The following MGAT4A variants were observed in gnomAD, a reference collection of about 807,000 sequenced individuals.
MGAT4A encodes the protein N-acetylglucosaminyltransferase IVa.
Under a neutral mutation model 74.1 loss-of-function variants are expected in MGAT4A, and 33 were observed. The ratio of observed to expected loss-of-function variants is 0.45; its 90% CI spans 0.34 to 0.60. The LOEUF (loss-of-function observed/expected upper bound fraction) is 0.60. Ranked by LOEUF, MGAT4A falls within the 20% of genes least tolerant of loss-of-function variation. The pLI is 0.02. For missense variants in MGAT4A, 479 were observed against 628.3 expected (o/e 0.76, Z 2.54); for synonymous variants, 198 against 210.4 (o/e 0.94, Z 0.51).
chr2:98,718,159 A>C (rs1702616864), intron 2 of MGAT4A, among the ~76,000 whole-genome samples: 1 of 152,060 alleles, frequency 6.6e-6, no homozygotes, highest in Middle Eastern at 3.4e-3. Context: ...ATTTTCTCCC[A>C]TATTTCAACA....
At chr2:98,651,439 G>T (rs1701577079) in intron 8 of MGAT4A, among the ~76,000 whole-genome samples, 1 of 152,178 alleles carries the variant, frequency 6.6e-6, no homozygotes, top group South Asian at 2.1e-4. Flanking sequence ...AAAATAGAGT[G>T]CAGGGGAGAC....
chr2:98,642,665 T>C (rs1227467200), intron 10 of MGAT4A, among the ~76,000 whole-genome samples: 1 of 152,170 alleles, frequency 6.6e-6, no homozygotes, highest in African/African-American at 2.4e-5. Context: ...ACGTTAACTT[T>C]TTCTGTGTCC....
At chr2:98,627,872 T>C (rs1263662393) in intron 14 of MGAT4A, among the ~76,000 whole-genome samples, 3 of 152,244 alleles carry the variant, frequency 2.0e-5, no homozygotes, top group Non-Finnish European at 4.4e-5. Context: ...TTGTGATGGC[T>C]AAGTCCATGA....
At chr2:98,679,405 CAAAAAAAAA>C (rs753919040) in intron 2 of MGAT4A, among the ~76,000 whole-genome samples, 3 of 33,328 alleles carry the variant, frequency 9.0e-5, no homozygotes, top group Non-Finnish European at 1.2e-4. Context: ...GACTCCGTCT[CAAAAAAAAA>C]AAAAAAAAAA....
intron 8 of MGAT4A, among the ~76,000 whole-genome samples, chr2:98,652,889 T>C (rs1211331685): frequency 6.6e-6 from 1 of 152,074 alleles, no homozygotes; most frequent in African/African-American, 2.4e-5. Context: ...CCTCCCAAAG[T>C]GTTGGGATTA....
intron 12 of MGAT4A, among the ~76,000 whole-genome samples, chr2:98,637,334 A>ATAC (rs1326344721): frequency 6.6e-6 from 1 of 151,318 alleles, no homozygotes; most frequent in Non-Finnish European, 1.5e-5. Flanking sequence ...AATAATAATA[A>ATAC]TAGTAATAAA....
At chr2:98,725,269 C>T (rs1056595625) in intron 2 of MGAT4A, among the ~76,000 whole-genome samples, 1 of 152,150 alleles carries the variant, frequency 6.6e-6, no homozygotes, top group Non-Finnish European at 1.5e-5. Flanking sequence ...AAAGACTCTA[C>T]TTGCTCAAAG....
intron 2 of MGAT4A, among the ~76,000 whole-genome samples, chr2:98,690,898 G>A (rs978699380): frequency 1.4e-4 from 21 of 152,272 alleles, no homozygotes; most frequent in African/African-American, 5.1e-4. Flanking sequence ...GAGAATCAGT[G>A]ATCCTCAAGA....
At chr2:98,633,555 AAAG>A (rs889345688) in intron 14 of MGAT4A, among the ~76,000 whole-genome samples, 1 of 152,230 alleles carries the variant, frequency 6.6e-6, no homozygotes, top group African/African-American at 2.4e-5. Context: ...CAATTCCATT[AAAG>A]AAGACTTCTT....
rs1239136060 is a variant in MGAT4A, at chr2:98,731,017, C to G, written c.-236+31G>C. 1.6e-4 allele frequency: 22 copies of G among 141,778 alleles called. No homozygotes were observed. The East Asian group carries it at 4.6e-3, about 30-fold the overall frequency. 8.8% of individuals were successfully genotyped at this position (141,778 alleles called of 1,614,324 possible). On this transcript the variant is annotated intron_variant, in intron 1 of 15. Transcript: ENST00000393487. This position sits in a 1 kb window ranked among gnomAD's most constrained non-coding sequence, Gnocchi z 4.8. ...CGCCCCGCGCCCCCTCCCGCCCCCG[C>G]GCGCCGCCGCTGCCGCCGCGAGCCC...
Position 98,650,315 on chromosome 2 carries a change from T to C in MGAT4A, c.775-4773A>G, listed in dbSNP as rs1438304107. ...ACAAAGTGAAACAACATACACATTA[T>C]GAGAGTTCTACAAGGAGAAGAGAGC... is the stretch of plus-strand genomic sequence containing the variant. On this transcript the variant is annotated intron_variant, in intron 8 of 15. Coordinates refer to ENST00000393487, the MANE Select transcript of MGAT4A (RefSeq NM_012214.3). Among the ~76,000 whole-genome samples the C allele has an allele frequency of 3.9e-5, 6 of 152,220 alleles. No homozygotes were observed. The East Asian group carries it at 7.7e-4, about 20-fold the overall frequency.
chr2:98,717,735 T>G (rs1031190365), intron 2 of MGAT4A, among the ~76,000 whole-genome samples: 7 of 152,218 alleles, frequency 4.6e-5, no homozygotes. Context: ...AATTTACTGT[T>G]TTACTGTTCT....
chr2:98,729,012 C>T (rs1445377664), intron 1 of MGAT4A, among the ~76,000 whole-genome samples: 1 of 151,998 alleles, frequency 6.6e-6, no homozygotes, highest in African/African-American at 2.4e-5. Context: ...TTCATAATAA[C>T]GGGGAGGTAG....
At chr2:98,649,750 AG>A (rs1205439451) in intron 8 of MGAT4A, among the ~76,000 whole-genome samples, 1 of 152,156 alleles carries the variant, frequency 6.6e-6, no homozygotes, top group African/African-American at 2.4e-5. Context: ...AAAGGCTCAA[AG>A]GGCTCCAGAG....
chr2:98,667,850 G>C (rs1054330081), intron 4 of MGAT4A, among the ~76,000 whole-genome samples: 2 of 152,036 alleles, frequency 1.3e-5, no homozygotes, highest in African/African-American at 4.8e-5. Flanking sequence ...CTCCCGAGTA[G>C]CTGGGATTAC....
chr2:98,678,551 C>G, intron 2 of MGAT4A, 80 bp from the exon 3 acceptor site: 1 of 974,080 alleles, frequency 1.0e-6, no homozygotes, highest in Non-Finnish European at 1.4e-6. Flanking sequence ...TGTAAAATTA[C>G]AAAGTTTAAA....
intron 10 of MGAT4A, 78 bp from the exon 11 acceptor site, chr2:98,640,306 T>G: frequency 1.7e-6 from 2 of 1,205,574 alleles, no homozygotes; most frequent in Non-Finnish European, 2.4e-6. Flanking sequence ...GAGAAGTCCT[T>G]TATTAAAATA....
chr2:98,674,479 A>G (rs1328000932), intron 4 of MGAT4A, among the ~76,000 whole-genome samples: 1 of 152,232 alleles, frequency 6.6e-6, no homozygotes, highest in East Asian at 1.9e-4. Context: ...CAAACAAACA[A>G]AAAGAGTGGT....
rs927235268 is a variant in MGAT4A, at chr2:98,622,810, C to T, written c.*2756G>A. 9.1e-6 allele frequency: 9 copies of T among 985,400 alleles called. No individual in the cohort carries two copies. The highest frequency in any genetic ancestry group is 1.1e-4 in the East Asian group (1 of 8,824). The allele number at this position is 985,400 out of a possible 1,614,324, so 61.0% of individuals were successfully genotyped here. ...CACAAACAATCAAAAACTAGACAAC[C>T]GATTGTGTATGCAAGAGTATGGCAA... is the stretch of plus-strand genomic sequence containing the variant. On this transcript the variant is annotated 3_prime_UTR_variant, in exon 16 of 16. Transcript: ENST00000393487.
Sources: allele counts gnomAD v4.1 joint callset (sites outside exome capture counted in the v4.1 genomes callset), GRCh38; gene constraint gnomAD v4.1.1; non-coding constraint Gnocchi (gnomAD v3.1); transcripts MANE v1.5; gene names NCBI Gene and HGNC (gene_info 2026-07-23, HGNC 2026-07-21).